Variants in CACNB2 observed in about 807,000 individuals in gnomAD.
CACNB2 encodes voltage-dependent L-type calcium channel subunit beta-2.
Under a neutral mutation model 73.3 loss-of-function variants are expected in CACNB2, and 42 were observed. The observed-to-expected ratio is 0.57, with a 90% CI of 0.45 to 0.74. The LOEUF (loss-of-function observed/expected upper bound fraction) is 0.74. Ranked by LOEUF, CACNB2 falls within the 30% of genes least tolerant of loss-of-function variation. The probability of loss-of-function intolerance (pLI) is 0.00; values close to 1 mark genes in which losing one functional copy is unlikely to be tolerated. For synonymous variants in CACNB2, 348 were observed against 310.3 expected (o/e 1.12, Z -1.28); for missense variants, 940 against 853.0 (o/e 1.10, Z -1.27).
chr10:18,186,246 C>G (rs1418032876), intron 2 of CACNB2, among the ~76,000 whole-genome samples: 7 of 151,826 alleles, frequency 4.6e-5, no homozygotes, highest in Non-Finnish European at 4.4e-5. Context: ...ATGGAGAAAC[C>G]CCATCTCTAC....
intron 5 of CACNB2, among the ~76,000 whole-genome samples, chr10:18,505,500 C>T (rs1263076885): frequency 6.6e-6 from 1 of 152,140 alleles, no homozygotes; most frequent in African/African-American, 2.4e-5. Flanking sequence ...CAGCCTGTTA[C>T]TGATACTTTA....
intron 2 of CACNB2, among the ~76,000 whole-genome samples, chr10:18,330,928 A>G (rs1196516720): frequency 2.7e-5 from 4 of 150,924 alleles, no homozygotes; most frequent in Admixed American, 6.6e-5. Context: ...CGGCCTCCCA[A>G]TGTGCTGGGA....
At chr10:18,407,688 G>C (rs902961200) in intron 3 of CACNB2, among the ~76,000 whole-genome samples, 19 of 152,060 alleles carry the variant, frequency 1.2e-4, no homozygotes, top group Non-Finnish European at 2.2e-4. Context: ...TTGAGCCTCT[G>C]TGTAATCATT....
At chr10:18,519,921 C>T (rs1401633426) in intron 9 of CACNB2, 2 of 347,908 alleles carry the variant, frequency 5.7e-6, no homozygotes, top group African/African-American at 4.3e-5. Flanking sequence ...TTATTCCATC[C>T]TCTTTGAAAT....
intron 3 of CACNB2, among the ~76,000 whole-genome samples, chr10:18,465,991 T>C (rs2047861563): frequency 6.6e-6 from 1 of 152,172 alleles, no homozygotes; most frequent in Non-Finnish European, 1.5e-5. Context: ...CCAACTTCTT[T>C]ATAAAGGTTT....
At chr10:18,436,031 T>G (rs1009323173) in intron 3 of CACNB2, among the ~76,000 whole-genome samples, 11 of 152,224 alleles carry the variant, frequency 7.2e-5, no homozygotes, top group Non-Finnish European at 1.5e-5. Flanking sequence ...TTAGATCATT[T>G]TTAGAGAATT....
At chr10:18,384,308 A>G (rs2043136195) in intron 2 of CACNB2, among the ~76,000 whole-genome samples, 2 of 152,182 alleles carry the variant, frequency 1.3e-5, no homozygotes, top group Admixed American at 1.3e-4. Flanking sequence ...ACAATTTCCA[A>G]GTAATGGCTG....
chr10:18,470,414 TATAAC>T (rs2048121751), intron 3 of CACNB2, among the ~76,000 whole-genome samples: 1 of 147,114 alleles, frequency 6.8e-6, no homozygotes, highest in Admixed American at 6.7e-5. Context: ...ACATATAGTA[TATAAC>T]ATATGGTGTA....
At chr10:18,468,281 A>G (rs2048004856) in intron 3 of CACNB2, among the ~76,000 whole-genome samples, 1 of 152,094 alleles carries the variant, frequency 6.6e-6, no homozygotes, top group Admixed American at 6.5e-5. Context: ...AACATGGCGA[A>G]AACCCATCTC....
At chr10:18,150,736 A>G (rs1209575333) in intron 1 of CACNB2, 147 bp from the exon 2 acceptor site, 3 of 595,434 alleles carry the variant, frequency 5.0e-6, no homozygotes, top group Admixed American at 6.1e-5. Flanking sequence ...GAGTCCCACC[A>G]GTATTAACTT....
chr10:18,414,664 T>C (rs973013962), intron 3 of CACNB2, among the ~76,000 whole-genome samples: 7 of 152,050 alleles, frequency 4.6e-5, no homozygotes, highest in African/African-American at 1.7e-4. Flanking sequence ...TTTGTATTTT[T>C]AGCAAAAATG....
At chr10:18,379,362 A>G (rs2042923610) in intron 2 of CACNB2, among the ~76,000 whole-genome samples, 1 of 152,002 alleles carries the variant, frequency 6.6e-6, no homozygotes, top group Non-Finnish European at 1.5e-5. Flanking sequence ...ACAGGCGTTC[A>G]CCACCATGCC....
chr10:18,481,137 A>C (rs1208767804), intron 3 of CACNB2, among the ~76,000 whole-genome samples: 4 of 140,362 alleles, frequency 2.8e-5, no homozygotes. Flanking sequence ...AGACACACCC[A>C]GTGCAGAAAA....
intron 2 of CACNB2, among the ~76,000 whole-genome samples, chr10:18,299,067 TAAA>T (rs71402154): frequency 1.7e-5 from 2 of 120,954 alleles, no homozygotes; most frequent in Non-Finnish European, 3.4e-5. Context: ...TAAAGTATAC[TAAA>T]AAAAAAAAAA....
rs548998723 is a variant in CACNB2 at position 18,316,614 on chromosome 10, G to A, written c.214-85310G>A. Reference sequence around the variant, plus strand: ...GAGTAGCTAGGACTACAGATACATGGCACTATGCCTGGTTAAATTTTGTAT... The same window carrying A: ...GAGTAGCTAGGACTACAGATACATGACACTATGCCTGGTTAAATTTTGTAT... On this transcript the variant is annotated intron_variant, in intron 2 of 13. Transcript: ENST00000324631. Among the ~76,000 whole-genome samples, 23 of 151,912 alleles carry A rather than the reference G, an allele frequency of 1.5e-4. No homozygotes were observed. The South Asian group carries it at 4.2e-3, about 28-fold the overall frequency.
At chr10:18,463,222 G>A (rs1294942911) in intron 3 of CACNB2, among the ~76,000 whole-genome samples, 5 of 152,130 alleles carry the variant, frequency 3.3e-5, no homozygotes, top group African/African-American at 1.2e-4. Context: ...CTCTCCTCCT[G>A]TCAGAATCCT....
intron 3 of CACNB2, among the ~76,000 whole-genome samples, chr10:18,407,908 G>A (rs181330351): frequency 5.4e-4 from 82 of 152,100 alleles, no homozygotes; most frequent in Non-Finnish European, 5.9e-5. Flanking sequence ...TGCTGTCACT[G>A]TTTATTAAGC....
At chr10:18,538,572 A>G (rs1266670358) in intron 13 of CACNB2, among the ~76,000 whole-genome samples, 2 of 152,146 alleles carry the variant, frequency 1.3e-5, no homozygotes, top group Non-Finnish European at 2.9e-5. Flanking sequence ...CAGACTACCG[A>G]AACTTTCTAA....
At chr10:18,508,984 G>A (rs1350016738) in intron 6 of CACNB2, among the ~76,000 whole-genome samples, 1 of 152,176 alleles carries the variant, frequency 6.6e-6, no homozygotes, top group Non-Finnish European at 1.5e-5. Flanking sequence ...CATGAAGAGT[G>A]TAATATTTAA....
Sources: allele counts gnomAD v4.1 joint callset (sites outside exome capture counted in the v4.1 genomes callset), GRCh38; gene constraint gnomAD v4.1.1; transcripts MANE v1.5; gene names NCBI Gene and HGNC (gene_info 2026-07-23, HGNC 2026-07-21).